Variants in TMEM178B observed in about 807,000 individuals in gnomAD.
TMEM178B encodes the protein transmembrane protein 178B.
A neutral mutation model predicts 31.0 loss-of-function variants in TMEM178B; 5 were observed. That is an observed-to-expected ratio of 0.16 (90% CI 0.08 to 0.34). The LOEUF (loss-of-function observed/expected upper bound fraction) is 0.34. Ranked by LOEUF, TMEM178B falls within the 10% of genes least tolerant of loss-of-function variation. The probability of loss-of-function intolerance (pLI) is 1.00; values close to 1 mark genes in which losing one functional copy is unlikely to be tolerated. For missense variants in TMEM178B, 275 were observed against 400.3 expected (o/e 0.69, Z 2.67); for synonymous variants, 164 against 164.0 (o/e 1.00, Z 0.00).
chr7:141,254,948 C>A (rs1272923490), intron 2 of TMEM178B, among the ~76,000 whole-genome samples: 1 of 152,184 alleles, frequency 6.6e-6, no homozygotes, highest in African/African-American at 2.4e-5. Context: ...ACTTCACAAT[C>A]TGAAAAGTTC....
At chr7:141,112,794 C>A (rs374035613) in intron 1 of TMEM178B, among the ~76,000 whole-genome samples, 9 of 152,282 alleles carry the variant, frequency 5.9e-5, no homozygotes, top group African/African-American at 2.2e-4. Context: ...CCTCTCAAAA[C>A]CATGCATTTT....
chr7:141,408,408 A>T (rs946030924), intron 2 of TMEM178B, among the ~76,000 whole-genome samples: 1 of 152,208 alleles, frequency 6.6e-6, no homozygotes, highest in African/African-American at 2.4e-5. Flanking sequence ...TTTGTGAAAA[A>T]AGAGATTGCT....
chr7:141,392,724 A>G (rs182374499), intron 2 of TMEM178B, among the ~76,000 whole-genome samples: 19 of 151,956 alleles, frequency 1.3e-4, no homozygotes, highest in African/African-American at 4.6e-4. Flanking sequence ...TCCAGTAGCT[A>G]AAAGGGAGTC....
chr7:141,501,994 T>C, the TMEM178B span, among the ~76,000 whole-genome samples: 11 of 152,150 alleles, frequency 7.2e-5, no homozygotes, highest in African/African-American at 2.7e-4. Context: ...CCTCACCTTG[T>C]ACCTTCAAAG....
intron 1 of TMEM178B, among the ~76,000 whole-genome samples, chr7:141,161,963 AGT>A (rs1417416822): frequency 8.6e-6 from 1 of 116,386 alleles, no homozygotes; most frequent in Non-Finnish European, 1.8e-5. Flanking sequence ...AGAGCATGAG[AGT>A]GTGTGTGTCT....
chr7:141,263,025 G>A (rs1476220556), intron 2 of TMEM178B, among the ~76,000 whole-genome samples: 1 of 151,962 alleles, frequency 6.6e-6, no homozygotes, highest in East Asian at 1.9e-4. Context: ...TCTTCTTCCT[G>A]TATTTTCCCC....
At chr7:141,442,386 A>G (rs1015789740) in intron 3 of TMEM178B, among the ~76,000 whole-genome samples, 3 of 152,208 alleles carry the variant, frequency 2.0e-5, no homozygotes, top group Admixed American at 2.0e-4. Context: ...AGCAGTTAGC[A>G]TAATTTTACT....
chr7:141,255,114 TTTACACACAGTTTTCA>T (rs769527485), intron 2 of TMEM178B, among the ~76,000 whole-genome samples: 1 of 152,182 alleles, frequency 6.6e-6, no homozygotes, highest in Admixed American at 6.5e-5. Context: ...CAAAGCTTAT[TTTACACACAGTTTTCA>T]GGAGCATGAT....
intron 2 of TMEM178B, among the ~76,000 whole-genome samples, chr7:141,278,466 C>T (rs1366432600): frequency 6.6e-6 from 1 of 152,108 alleles, no homozygotes; most frequent in Non-Finnish European, 1.5e-5. Context: ...ACCTGTAATC[C>T]CAGCTACTTG....
rs146129912 is a variant in TMEM178B, at chr7:141,140,029, G to A, written c.382+65337G>A. On this transcript the variant is annotated intron_variant, in intron 1 of 3. Coordinates refer to ENST00000565468, the MANE Select transcript of TMEM178B (RefSeq NM_001195278.2). The stretch of plus-strand genomic sequence containing the variant: ...CATCTGCCCACCTCAGTCCCCCAGA[G>A]TGCTGGGATTACAGGCACGAGCCAC... Among the ~76,000 whole-genome samples the A allele has an allele frequency of 5.6e-3, 859 of 152,274 alleles. 6 individuals carry two copies. Among genetic ancestry groups the A allele is most frequent in the Middle Eastern group, 0.017 (5 of 294 alleles).
chr7:141,447,786 C>T (rs1801787572), intron 3 of TMEM178B, among the ~76,000 whole-genome samples: 1 of 152,086 alleles, frequency 6.6e-6, no homozygotes, highest in African/African-American at 2.4e-5. Flanking sequence ...ACCATCTAGC[C>T]TGTACCAGCT....
At chr7:141,140,826 G>C (rs1795756310) in intron 1 of TMEM178B, among the ~76,000 whole-genome samples, 1 of 152,210 alleles carries the variant, frequency 6.6e-6, no homozygotes, top group Admixed American at 6.5e-5. Flanking sequence ...AGACCACAGA[G>C]GCGAAGTGCC....
At chr7:141,161,096 C>G (rs10242145) in intron 1 of TMEM178B, among the ~76,000 whole-genome samples, 1 of 152,126 alleles carries the variant, frequency 6.6e-6, no homozygotes, top group African/African-American at 2.4e-5. Context: ...ACCTCGTGAT[C>G]CGCCCACCTT....
chr7:141,166,434 T>A (rs1796262006), intron 1 of TMEM178B, among the ~76,000 whole-genome samples: 1 of 152,182 alleles, frequency 6.6e-6, no homozygotes, highest in Non-Finnish European at 1.5e-5. Context: ...TGCATCCATG[T>A]TAGTGTTTGA....
At chr7:141,402,084 G>A (rs1457911922) in intron 2 of TMEM178B, among the ~76,000 whole-genome samples, 1 of 152,126 alleles carries the variant, frequency 6.6e-6, no homozygotes, top group Non-Finnish European at 1.5e-5. Context: ...GGTACTCCAC[G>A]GTGCCAGGGA....
chr7:141,505,211 C>T, the TMEM178B span, among the ~76,000 whole-genome samples: 1 of 152,226 alleles, frequency 6.6e-6, no homozygotes, highest in Admixed American at 6.5e-5. Context: ...AAGTTACCTC[C>T]CATTTCATCA....
intron 1 of TMEM178B, among the ~76,000 whole-genome samples, chr7:141,208,232 A>C (rs1206808739): frequency 6.6e-6 from 1 of 152,072 alleles, no homozygotes; most frequent in Non-Finnish European, 1.5e-5. Context: ...AGTCTCCCAC[A>C]GGGGCCACAG....
At chr7:141,200,083 G>C (rs1352247904) in intron 1 of TMEM178B, among the ~76,000 whole-genome samples, 1 of 151,882 alleles carries the variant, frequency 6.6e-6, no homozygotes, top group Non-Finnish European at 1.5e-5. Context: ...ATCTCTCTAT[G>C]TTGCCCAGGC....
intron 1 of TMEM178B, among the ~76,000 whole-genome samples, chr7:141,112,403 C>T (rs1795248051): frequency 6.6e-6 from 1 of 152,126 alleles, no homozygotes; most frequent in East Asian, 1.9e-4. Flanking sequence ...CAGGTGTTAG[C>T]CACCACAGCC....
Sources: gnomAD v4.1 joint callset for allele counts (sites outside exome capture counted in the v4.1 genomes callset) on GRCh38, gnomAD v4.1.1 for gene constraint, MANE v1.5 for transcripts, NCBI Gene and HGNC (gene_info 2026-07-23, HGNC 2026-07-21) for gene names.